Variants in ADD2 observed in about 807,000 individuals in gnomAD.
ADD2 encodes the protein adducin 2.
A neutral mutation model predicts 83.0 loss-of-function variants in ADD2; 23 were observed. The observed-to-expected ratio is 0.28, with a 90% confidence interval of 0.20 to 0.39. The LOEUF is 0.39. Among genes scored for constraint, ADD2 ranks in the 10% least tolerant of loss-of-function variants. The pLI is 1.00. For missense variants in ADD2, 758 were observed against 944.9 expected (o/e 0.80, Z 2.59); for synonymous variants, 375 against 375.4 (o/e 1.00, Z 0.01).
rs1558547857 is a variant in ADD2, at chr2:70,706,759, A to G, written c.-34-317T>C. Among the ~76,000 whole-genome samples, 1 of 152,158 alleles carries G rather than the reference A, an allele frequency of 6.6e-6. No homozygotes were observed. Among genetic ancestry groups the G allele is most frequent in the Non-Finnish European group, 1.5e-5 (1 of 68,026 alleles). On this transcript the variant is annotated intron_variant, in intron 2 of 15. Coordinates refer to ENST00000264436, the MANE Select transcript of ADD2 (RefSeq NM_001617.4). The surrounding 1 kb of genome is among the most constrained non-coding windows in gnomAD (Gnocchi z 5.0). ...CCCCGAATGGAAACATGACCTGCAG[A>G]CCTTGTTGAGCATTTCTGTGATGCA...
At chr2:70,687,667 C>A (rs2270041) in intron 9 of ADD2, among the ~76,000 whole-genome samples, 44,058 of 151,914 alleles carry the variant, frequency 0.29, 6,746 homozygotes, top group East Asian at 0.44. Context: ...ATAGGTGCAA[C>A]AGGTATACCC....
At chr2:70,725,684 A>C (rs1287670736) in intron 1 of ADD2, among the ~76,000 whole-genome samples, 3 of 152,076 alleles carry the variant, frequency 2.0e-5, no homozygotes, top group African/African-American at 7.2e-5. Context: ...GCACGGAAGC[A>C]TTCTCCCCTA....
intron 1 of ADD2, among the ~76,000 whole-genome samples, chr2:70,740,320 T>A (rs1553380846): frequency 6.6e-6 from 1 of 152,206 alleles, no homozygotes; most frequent in South Asian, 2.1e-4. Context: ...TACTTTAATA[T>A]GCTTTTCAGT....
chr2:70,675,694 T>C, intron 13 of ADD2: 2 of 985,458 alleles, frequency 2.0e-6, no homozygotes, highest in Non-Finnish European at 2.4e-6. Context: ...CTCCCTGCCC[T>C]GGCCCGCCAG....
chr2:70,682,619 C>T (rs1228926793), intron 10 of ADD2, among the ~76,000 whole-genome samples: 4 of 152,174 alleles, frequency 2.6e-5, no homozygotes, highest in Admixed American at 2.6e-4. Flanking sequence ...CTTCTCTGAG[C>T]AATCTAAGAA....
intron 15 of ADD2, among the ~76,000 whole-genome samples, chr2:70,670,017 TC>T (rs1210106698): frequency 1.2e-4 from 18 of 152,234 alleles, no homozygotes; most frequent in African/African-American, 4.3e-4. Context: ...ACTGGAGCCC[TC>T]CGCAGATATC....
At position 70,718,842 on chromosome 2, in the gene ADD2, G is replaced by A. The variant is rs548844636; in HGVS notation, c.-153-5658C>T. Among the ~76,000 whole-genome samples the A allele has an allele frequency of 4.6e-5, 7 of 152,272 alleles. No individual in the cohort carries two copies. In the South Asian group the frequency reaches 1.5e-3, roughly 32 times the overall value. ...TCACCACACTTTCTGCCCCTCATTC[G>A]AACAAAGGGGAGCAGATGCCAGGGG... On this transcript the variant is annotated intron_variant, in intron 1 of 15. Transcript: ENST00000264436.
chr2:70,675,209 C>A (rs41310966), intron 13 of ADD2: 61 of 1,013,078 alleles, frequency 6.0e-5, no homozygotes, highest in Non-Finnish European at 7.1e-5. Context: ...ATAGCATTGG[C>A]TCAAGCAAGC....
chr2:70,678,875 G>A lies in ADD2; in HGVS notation c.1212C>T (p.Val404=), dbSNP rs782798999. The A allele has an allele frequency of 2.3e-5, 37 of 1,614,080 alleles. No individual in the cohort carries two copies. Among genetic ancestry groups the A allele is most frequent in the Middle Eastern group, 1.6e-4 (1 of 6,084 alleles). ...CGTCCTCCTCAAACACGAAGGCTGT[G>A]ACCGTGGCTGGAATCTCCACCTCAC... ...HKSEVEIPAT[V]TAFVFEEDGA... Residue 404 remains valine, a synonymous_variant, in exon 11 of 16, where the codon GTC becomes GTT. Coordinates refer to ENST00000264436, the MANE Select transcript of ADD2 (RefSeq NM_001617.4).
chr2:70,672,706 T>C (rs1461968954), intron 15 of ADD2, among the ~76,000 whole-genome samples, 172 bp downstream of exon 15: 4 of 152,212 alleles, frequency 2.6e-5, no homozygotes, highest in African/African-American at 9.6e-5. Flanking sequence ...TGTAGTGTTA[T>C]AGCTTGTGAG....
At position 70,662,036 on chromosome 2, in the gene ADD2, G is replaced by A. The variant is rs1229515665; in HGVS notation, c.*1389C>T. On this transcript the variant is annotated 3_prime_UTR_variant, in exon 16 of 16. Transcript: ENST00000264436. Reference sequence around the variant, plus strand: ...CCTGCACAGTGTCTATAGATAGCAAGTGCTCAAAAGTGGAAAACTATGATT... The same window carrying A: ...CCTGCACAGTGTCTATAGATAGCAAATGCTCAAAAGTGGAAAACTATGATT... The A allele has an allele frequency of 1.3e-5, 2 of 152,220 alleles. No individual in the cohort carries two copies. The highest frequency in any genetic ancestry group is 2.9e-5 in the Non-Finnish European group (2 of 68,044). 9.4% of individuals were successfully genotyped at this position (152,220 alleles called of 1,614,324 possible). A position where few individuals can be genotyped will look rare whatever the true frequency, so the allele number is the denominator to read the frequency against.
At chr2:70,759,924 C>T (rs1674994891) in intron 1 of ADD2, among the ~76,000 whole-genome samples, 1 of 152,082 alleles carries the variant, frequency 6.6e-6, no homozygotes, top group Admixed American at 6.5e-5. Flanking sequence ...CTGACCATAC[C>T]ACAGCCCATC....
At chr2:70,766,383 C>G (rs1176582477) in intron 1 of ADD2, among the ~76,000 whole-genome samples, 1 of 152,214 alleles carries the variant, frequency 6.6e-6, no homozygotes, top group Admixed American at 6.5e-5. Context: ...TCACATTACA[C>G]AATTAAAGTA....
intron 15 of ADD2, among the ~76,000 whole-genome samples, chr2:70,664,985 CGAGT>C (rs3836147): frequency 0.27 from 40,711 of 151,426 alleles, 5,396 homozygotes; most frequent in East Asian, 0.35. Context: ...TGAATGTGTG[CGAGT>C]GAGTGTGTGA....
At chr2:70,723,433 G>A (rs1200975423) in intron 1 of ADD2, among the ~76,000 whole-genome samples, 1 of 151,138 alleles carries the variant, frequency 6.6e-6, no homozygotes, top group Non-Finnish European at 1.5e-5. Context: ...TATCTAGTCA[G>A]CAAGCACACA....
intron 1 of ADD2, among the ~76,000 whole-genome samples, chr2:70,740,063 CAATA>C (rs769432915): frequency 6.6e-6 from 1 of 152,046 alleles, no homozygotes; most frequent in African/African-American, 2.4e-5. Context: ...ATAATTAGAT[CAATA>C]AATATGCACC....
chr2:70,766,726 A>G (rs1228947388), intron 1 of ADD2, among the ~76,000 whole-genome samples: 2 of 152,158 alleles, frequency 1.3e-5, no homozygotes, highest in African/African-American at 2.4e-5. Context: ...TGCCAGACCA[A>G]CCACTCCTTT....
Position 70,661,615 on chromosome 2 carries a change from C to G in ADD2, c.*1810G>C, listed in dbSNP as rs1267070354. On this transcript the variant is annotated 3_prime_UTR_variant, in exon 16 of 16. Coordinates refer to ENST00000264436, the MANE Select transcript of ADD2 (RefSeq NM_001617.4). The stretch of plus-strand genomic sequence containing the variant: ...TATTTCCCGCCCCAACCAGAAGGCT[C>G]TTGCCTCTCCTTTGTCAGAGGCACA... 1 of 152,254 alleles carries G rather than the reference C, an allele frequency of 6.6e-6. No individual in the cohort carries two copies. The highest frequency in any genetic ancestry group is 1.5e-5 in the Non-Finnish European group (1 of 68,060). The allele number at this position is 152,254 out of a possible 1,614,324, so 9.4% of individuals were successfully genotyped here.
At chr2:70,665,376 C>T (rs566052867) in intron 15 of ADD2, among the ~76,000 whole-genome samples, 1 of 152,220 alleles carries the variant, frequency 6.6e-6, no homozygotes, top group Non-Finnish European at 1.5e-5. Flanking sequence ...CTCTTGGTAT[C>T]AAAGACTTTG....
Sources: gnomAD v4.1 joint callset for allele counts (sites outside exome capture counted in the v4.1 genomes callset) on GRCh38, gnomAD v4.1.1 for gene constraint, Gnocchi (gnomAD v3.1) non-coding constraint, MANE v1.5 for transcripts, NCBI Gene and HGNC (gene_info 2026-07-23, HGNC 2026-07-21) for gene names.